Variants in CLASP1 observed in about 807,000 individuals in gnomAD.
CLASP1 encodes the protein CLIP-associating protein 1.
In CLASP1, 38 loss-of-function variants were observed where a neutral mutation model predicts 192.3. That is an observed-to-expected ratio of 0.20 (90% CI 0.15 to 0.26). CLASP1 has a LOEUF of 0.26. Ranked by LOEUF, CLASP1 falls within the 10% of genes least tolerant of loss-of-function variation. The pLI, the probability that CLASP1 is intolerant of heterozygous loss-of-function variation, is 1.00. For synonymous variants in CLASP1, 691 were observed against 712.8 expected (o/e 0.97, Z 0.49); for missense variants, 1,433 against 1,932.5 (o/e 0.74, Z 4.85).
exon 38 of CLASP1, chr2:121,348,521 G>T: frequency 6.2e-7 from 1 of 1,609,280 alleles, no homozygotes. Context: ...CCTGCAGCAA[G>T]CCTGGGATGA....
chr2:121,633,214 C>T (rs535114285), intron 1 of CLASP1, among the ~76,000 whole-genome samples: 6 of 151,988 alleles, frequency 3.9e-5, no homozygotes, highest in African/African-American at 9.7e-5. Context: ...TCACTCTACA[C>T]AATTTAAGCA....
At chr2:121,572,381 T>C (rs1192705483) in intron 2 of CLASP1, among the ~76,000 whole-genome samples, 1 of 152,098 alleles carries the variant, frequency 6.6e-6, no homozygotes, top group Non-Finnish European at 1.5e-5. Context: ...TGAGCCGAGG[T>C]TGCACCAATG....
At chr2:121,363,434 C>G (rs963590996) in intron 36 of CLASP1, 134 bp from the exon 38 acceptor site, 1 of 962,772 alleles carries the variant, frequency 1.0e-6, no homozygotes, top group African/African-American at 1.6e-5. Context: ...CTAAACAGAT[C>G]ACACAGTTCA....
chr2:121,440,752 A>G (rs2083181724), intron 19 of CLASP1, among the ~76,000 whole-genome samples: 1 of 152,150 alleles, frequency 6.6e-6, no homozygotes, highest in Non-Finnish European at 1.5e-5. Context: ...TCTGTATTAT[A>G]ATCTATTAAG....
At chr2:121,627,193 C>T (rs377106094) in intron 1 of CLASP1, among the ~76,000 whole-genome samples, 1 of 152,142 alleles carries the variant, frequency 6.6e-6, no homozygotes, top group Non-Finnish European at 1.5e-5. Context: ...ACAAAATATG[C>T]GTAACCATTG....
chr2:121,361,133 T>A (rs2066320169), intron 37 of CLASP1, among the ~76,000 whole-genome samples: 1 of 151,982 alleles, frequency 6.6e-6, no homozygotes, highest in Non-Finnish European at 1.5e-5. Context: ...AATGCCCGAG[T>A]CTAAGTATGT....
chr2:121,378,278 C>T (rs1206302204), intron 33 of CLASP1, among the ~76,000 whole-genome samples: 1 of 152,288 alleles, frequency 6.6e-6, no homozygotes, highest in Non-Finnish European at 1.5e-5. Flanking sequence ...GACTCTTCTA[C>T]ATGCTTCTGT....
intron 1 of CLASP1, among the ~76,000 whole-genome samples, chr2:121,622,288 C>T (rs776047299): frequency 4.6e-5 from 7 of 151,730 alleles, no homozygotes; most frequent in African/African-American, 1.5e-4. Context: ...ATGTAAGTTC[C>T]GGCCAGGCAC....
intron 8 of CLASP1, among the ~76,000 whole-genome samples, chr2:121,485,330 T>C (rs2092898863): frequency 1.3e-5 from 2 of 152,228 alleles, no homozygotes; most frequent in South Asian, 4.1e-4. Context: ...AAAAGTGTAC[T>C]CTTTCTCTTT....
chr2:121,517,858 CTTTTTTTTTT>C (rs70954553), intron 6 of CLASP1, among the ~76,000 whole-genome samples: 7 of 30,810 alleles, frequency 2.3e-4, no homozygotes, highest in South Asian at 2.3e-3. Context: ...AAGACTCAAG[CTTTTTTTTTT>C]TTTTTTTTTT....
chr2:121,397,406 G>A (rs764819228), intron 29 of CLASP1, 123 bp from the exon 31 acceptor site: 9 of 796,312 alleles, frequency 1.1e-5, no homozygotes, highest in East Asian at 2.7e-5. Flanking sequence ...CTCCTGTATC[G>A]ATAGTTTCCA....
At position 121,572,360 on chromosome 2, in the gene CLASP1, G is replaced by A. The variant is rs537396975; in HGVS notation, c.195+33341C>T. Among the ~76,000 whole-genome samples, 10 of 152,278 alleles carry A rather than the reference G, an allele frequency of 6.6e-5. No individual in the cohort carries two copies. The South Asian group carries it at 1.2e-3, about 19-fold the overall frequency. The stretch of plus-strand genomic sequence containing the variant: ...GGAGAATGGCATGAACCCGGGACGC[G>A]GAGATTGCAGTGAGCCGAGGTTGCA... On this transcript the variant is annotated intron_variant, in intron 2 of 39. Transcript: ENST00000263710.
chr2:121,509,631 A>G (rs1403316537), intron 7 of CLASP1, among the ~76,000 whole-genome samples: 1 of 152,224 alleles, frequency 6.6e-6, no homozygotes, highest in Non-Finnish European at 1.5e-5. Flanking sequence ...CGAGGGCAGA[A>G]GTTTGAGATC....
chr2:121,530,070 T>C (rs1425697087), intron 3 of CLASP1, among the ~76,000 whole-genome samples, 177 bp downstream of exon 3: 1 of 119,930 alleles, frequency 8.3e-6, no homozygotes, highest in Non-Finnish European at 1.7e-5. Context: ...AGGCTGCGAG[T>C]GCTTAGGGGG....
intron 2 of CLASP1, among the ~76,000 whole-genome samples, chr2:121,534,676 G>A (rs2094997811): frequency 6.6e-6 from 1 of 151,806 alleles, no homozygotes; most frequent in Non-Finnish European, 1.5e-5. Flanking sequence ...TAGCTGGGAC[G>A]TGTTATCAGC....
intron 1 of CLASP1, among the ~76,000 whole-genome samples, chr2:121,642,401 TAAAAAAAAAAA>T (rs35181269): frequency 9.3e-6 from 1 of 107,510 alleles, no homozygotes; most frequent in Non-Finnish European, 2.0e-5. Flanking sequence ...ATCTTTTTGC[TAAAAAAAAAAA>T]AAAAAAGAAA....
At chr2:121,461,131 G>A in exon 11 of CLASP1, 2 of 1,606,402 alleles carry the variant, frequency 1.2e-6, no homozygotes, top group South Asian at 1.1e-5. Context: ...AATCATGCTT[G>A]TCATCAGATA....
chr2:121,380,583 AAG>A (rs1364188574), intron 33 of CLASP1, among the ~76,000 whole-genome samples: 2 of 152,198 alleles, frequency 1.3e-5, no homozygotes, highest in Non-Finnish European at 2.9e-5. Context: ...TCAGGTCTCC[AAG>A]AGAGAGAAAC....
At chr2:121,528,766 T>C in exon 4 of CLASP1, 1 of 1,613,076 alleles carries the variant, frequency 6.2e-7, no homozygotes, top group Admixed American at 1.7e-5. Flanking sequence ...AGTCTGTCTA[T>C]TAGACTTGGC....
Sources: allele counts gnomAD v4.1 joint callset (sites outside exome capture counted in the v4.1 genomes callset), GRCh38; gene constraint gnomAD v4.1.1; transcripts MANE v1.5; gene names NCBI Gene and HGNC (gene_info 2026-07-23, HGNC 2026-07-21).